Variants in RIGI observed in about 807,000 individuals in gnomAD.
The protein encoded by RIGI is antiviral innate immune response receptor RIG-I.
the RIGI span, among the ~76,000 whole-genome samples, chr9:32,514,282 G>A: frequency 6.6e-6 from 1 of 152,130 alleles, no homozygotes; most frequent in Non-Finnish European, 1.5e-5. Context: ...ACATGTATGT[G>A]TCTTGCGGCA....
chr9:32,476,926 C>T, the RIGI span: 31 of 1,450,760 alleles, frequency 2.1e-5, no homozygotes, highest in African/African-American at 4.1e-4. Flanking sequence ...CCAGCCCAAT[C>T]TTTTCAATGA....
chr9:32,458,825 C>T, the RIGI span, among the ~76,000 whole-genome samples: 2 of 151,710 alleles, frequency 1.3e-5, no homozygotes, highest in Non-Finnish European at 2.9e-5. Flanking sequence ...ACCACTCTTT[C>T]TCTAGTTGTA....
At chr9:32,499,326 T>TG in the RIGI span, among the ~76,000 whole-genome samples, 5 of 148,762 alleles carry the variant, frequency 3.4e-5, no homozygotes, top group East Asian at 7.8e-4. Flanking sequence ...GTTTTTTTTT[T>TG]TTTTTTTTTT....
chr9:32,474,951 T>A, the RIGI span, among the ~76,000 whole-genome samples: 7 of 152,270 alleles, frequency 4.6e-5, no homozygotes, highest in Non-Finnish European at 1.0e-4. Context: ...TATGTATTTT[T>A]AAAAATATTT....
chr9:32,507,146 G>C, the RIGI span, among the ~76,000 whole-genome samples: 1 of 152,044 alleles, frequency 6.6e-6, no homozygotes, highest in East Asian at 1.9e-4. Flanking sequence ...CCCAAACATG[G>C]TTTTTATTCT....
the RIGI span, among the ~76,000 whole-genome samples, chr9:32,493,014 T>C: frequency 1.3e-5 from 2 of 152,216 alleles, no homozygotes; most frequent in African/African-American, 2.4e-5. Flanking sequence ...ATTATCTCAT[T>C]ACCCTTATGA....
At chr9:32,460,774 G>GAA in the RIGI span, among the ~76,000 whole-genome samples, 3 of 150,308 alleles carry the variant, frequency 2.0e-5, no homozygotes, top group African/African-American at 2.4e-5. Flanking sequence ...ATACACTGGG[G>GAA]AAAAAAAAAG....
chr9:32,470,793 G>T, the RIGI span, among the ~76,000 whole-genome samples: 1 of 152,152 alleles, frequency 6.6e-6, no homozygotes, highest in South Asian at 2.1e-4. Context: ...AATTCTTCTA[G>T]CTTAACTGTG....
At chr9:32,500,744 A>G in the RIGI span, 1 of 1,563,640 alleles carries the variant, frequency 6.4e-7, no homozygotes, top group Non-Finnish European at 8.7e-7. Context: ...TTTCACTTTT[A>G]CAGTATTGTC....
the RIGI span, among the ~76,000 whole-genome samples, chr9:32,489,678 G>T: frequency 6.6e-6 from 1 of 151,330 alleles, no homozygotes; most frequent in Non-Finnish European, 1.5e-5. Flanking sequence ...AAAAAAACAT[G>T]AATTATTTTT....
At chr9:32,505,825 C>T in the RIGI span, among the ~76,000 whole-genome samples, 4 of 152,148 alleles carry the variant, frequency 2.6e-5, no homozygotes, top group Non-Finnish European at 4.4e-5. Context: ...AACTAAAATG[C>T]GTTTAGTACA....
At chr9:32,491,362 C>G in the RIGI span, 4 of 1,613,290 alleles carry the variant, frequency 2.5e-6, no homozygotes, top group African/African-American at 5.3e-5. Flanking sequence ...GGTAGAAAAT[C>G]TGTATGTCAG....
At chr9:32,473,146 G>A in the RIGI span, 1 of 1,042,740 alleles carries the variant, frequency 9.6e-7, no homozygotes. Flanking sequence ...CATGCAAAAA[G>A]AAAAAAATTT....
the RIGI span, among the ~76,000 whole-genome samples, chr9:32,500,147 G>A: frequency 7.2e-5 from 11 of 152,134 alleles, no homozygotes; most frequent in African/African-American, 1.9e-4. Context: ...ATGCTAACGT[G>A]TAGAAAGAAA....
At chr9:32,460,860 A>G in the RIGI span, among the ~76,000 whole-genome samples, 1 of 152,240 alleles carries the variant, frequency 6.6e-6, no homozygotes, top group Non-Finnish European at 1.5e-5. Flanking sequence ...GTGAAGAAAG[A>G]GCAGGGCTTA....
At chr9:32,456,402 C>T in the RIGI span, 4 of 152,090 alleles carry the variant, frequency 2.6e-5, no homozygotes, top group African/African-American at 9.7e-5. Flanking sequence ...TTTATGTTCT[C>T]ATGTTCTCTG....
At chr9:32,524,801 C>T in the RIGI span, among the ~76,000 whole-genome samples, 1 of 151,782 alleles carries the variant, frequency 6.6e-6, no homozygotes, top group Non-Finnish European at 1.5e-5. Flanking sequence ...CGGGGTTTCA[C>T]CATATTGGCC....
the RIGI span, chr9:32,477,249 G>T: frequency 8.4e-7 from 1 of 1,184,800 alleles, no homozygotes; most frequent in Non-Finnish European, 1.2e-6. Context: ...AATTTTATGA[G>T]TAGTAAGTAC....
chr9:32,481,243 G>A, the RIGI span: 1 of 1,269,816 alleles, frequency 7.9e-7, no homozygotes, highest in Admixed American at 2.3e-5. Flanking sequence ...GTGAGCTCTT[G>A]AGGACAGGAT....
Sources: allele counts gnomAD v4.1 joint callset (sites outside exome capture counted in the v4.1 genomes callset), GRCh38; gene constraint gnomAD v4.1.1; transcripts MANE v1.5; gene names NCBI Gene and HGNC (gene_info 2026-07-23, HGNC 2026-07-21).